The following ULK4 variants were observed in gnomAD, a reference collection of about 807,000 sequenced individuals.
ULK4 encodes the protein inactive serine/threonine-protein kinase ULK4.
A neutral mutation model predicts 160.6 loss-of-function variants in ULK4; 133 were observed. That is an observed-to-expected ratio of 0.83 (90% CI 0.72 to 0.96). The LOEUF (loss-of-function observed/expected upper bound fraction) is 0.96, where lower values mean the gene tolerates loss of function less well. Ranked by LOEUF, ULK4 falls within the 40% of genes least tolerant of loss-of-function variation. ULK4 has a pLI of 0.00. For synonymous variants in ULK4, 534 were observed against 539.8 expected (o/e 0.99, Z 0.15); for missense variants, 1,580 against 1,499.5 (o/e 1.05, Z -0.89).
intron 31 of ULK4, among the ~76,000 whole-genome samples, chr3:41,599,230 G>C (rs2031893714): frequency 6.6e-6 from 1 of 152,132 alleles, no homozygotes; most frequent in South Asian, 2.1e-4. Flanking sequence ...TTTAGGATGA[G>C]GATGAGCTAA....
At chr3:41,630,817 A>T (rs983815461) in intron 30 of ULK4, among the ~76,000 whole-genome samples, 1 of 152,162 alleles carries the variant, frequency 6.6e-6, no homozygotes, top group Non-Finnish European at 1.5e-5. Context: ...CTTCTGGCCT[A>T]CTTGTGTACC....
chr3:41,385,880 T>A (rs1431001631), intron 35 of ULK4, among the ~76,000 whole-genome samples: 2 of 152,186 alleles, frequency 1.3e-5, no homozygotes, highest in Non-Finnish European at 2.9e-5. Flanking sequence ...CTAGGCCACA[T>A]TCTTTCTATT....
At chr3:41,598,166 C>T (rs1455996314) in intron 31 of ULK4, among the ~76,000 whole-genome samples, 1 of 152,146 alleles carries the variant, frequency 6.6e-6, no homozygotes, top group Non-Finnish European at 1.5e-5. Flanking sequence ...ACCAGTTCCT[C>T]ACTCCCTCCC....
chr3:41,484,538 C>T (rs543510272), intron 32 of ULK4, among the ~76,000 whole-genome samples: 16 of 149,770 alleles, frequency 1.1e-4, no homozygotes, highest in African/African-American at 2.2e-4. Flanking sequence ...CTGCAAGCTC[C>T]GCCTCCCGGG....
chr3:41,954,586 C>T, intron 2 of ULK4, 36 bp downstream of exon 2: 1 of 1,595,300 alleles, frequency 6.3e-7, no homozygotes, highest in Non-Finnish European at 8.5e-7. Context: ...TTGTAGCTCT[C>T]TCTTTCCCCA....
rs1457899603 is a variant in ULK4 at position 41,745,187 on chromosome 3, GA to G, written c.2321+9173del. 4.6e-5 allele frequency among the ~76,000 whole-genome samples: 7 copies of G among 150,720 alleles called. 1 individual carries two copies. The highest frequency in any genetic ancestry group is 7.4e-5 in the Non-Finnish European group (5 of 67,642). The stretch of plus-strand genomic sequence containing the variant: ...AAGAGCAAAACAAAGCAAGCAGAAG[GA>G]AAATATAAAAATCAGGGAATGGACT... On this transcript the variant is annotated intron_variant, in intron 22 of 36. Coordinates refer to ENST00000301831, the MANE Select transcript of ULK4 (RefSeq NM_017886.4).
At chr3:41,858,735 C>A (rs528164252) in intron 17 of ULK4, among the ~76,000 whole-genome samples, 1 of 150,182 alleles carries the variant, frequency 6.7e-6, no homozygotes, top group Non-Finnish European at 1.5e-5. Flanking sequence ...GAACTCCTGG[C>A]CTCAGGTGAT....
At chr3:41,530,538 A>AC (rs201458279) in intron 32 of ULK4, among the ~76,000 whole-genome samples, 1 of 152,100 alleles carries the variant, frequency 6.6e-6, no homozygotes, top group East Asian at 1.9e-4. Context: ...CATTGGAGCT[A>AC]CCCCCGCCTA....
At chr3:41,951,564 C>T (rs142036414) in intron 2 of ULK4, among the ~76,000 whole-genome samples, 10 of 152,278 alleles carry the variant, frequency 6.6e-5, no homozygotes, top group Non-Finnish European at 1.2e-4. Context: ...CAAATGACTT[C>T]CAATAAGTAT....
chr3:41,958,163 T>C (rs1700547585), intron 1 of ULK4, among the ~76,000 whole-genome samples: 1 of 151,866 alleles, frequency 6.6e-6, no homozygotes, highest in Non-Finnish European at 1.5e-5. Flanking sequence ...GTACCCCACA[T>C]ATTCACAGCA....
intron 21 of ULK4, among the ~76,000 whole-genome samples, chr3:41,789,447 G>A (rs1344551564): frequency 2.6e-5 from 4 of 152,172 alleles, no homozygotes; most frequent in Non-Finnish European, 4.4e-5. Flanking sequence ...GGACAAGTAG[G>A]CAGAAGCCAT....
intron 22 of ULK4, among the ~76,000 whole-genome samples, chr3:41,739,292 A>G (rs1406147903): frequency 6.6e-6 from 1 of 151,862 alleles, no homozygotes; most frequent in Non-Finnish European, 1.5e-5. Flanking sequence ...GCCTTCTCTC[A>G]CTTAATCCTG....
At chr3:41,876,483 T>A (rs1697306610) in intron 17 of ULK4, among the ~76,000 whole-genome samples, 1 of 152,362 alleles carries the variant, frequency 6.6e-6, no homozygotes, top group South Asian at 2.1e-4. Context: ...TTTTAACTTA[T>A]ACAACCTTAC....
At chr3:41,895,585 G>A in intron 15 of ULK4, 21 bp from the exon 16 acceptor site, 1 of 1,451,200 alleles carries the variant, frequency 6.9e-7, no homozygotes, top group South Asian at 1.5e-5. Flanking sequence ...AAATTTAAGT[G>A]TAAAGAAAAG....
At chr3:41,925,477 C>T (rs945336773) in intron 5 of ULK4, among the ~76,000 whole-genome samples, 5 of 152,120 alleles carry the variant, frequency 3.3e-5, no homozygotes, top group Non-Finnish European at 7.3e-5. Context: ...ACTGGGTGGC[C>T]GTTGGGGCAG....
At chr3:41,954,524 T>C (rs574935936) in intron 2 of ULK4, 98 bp downstream of exon 2, 2 of 1,393,426 alleles carry the variant, frequency 1.4e-6, no homozygotes, top group Middle Eastern at 1.8e-4. Context: ...AATGTGGCAT[T>C]TGATATATCA....
intron 35 of ULK4, among the ~76,000 whole-genome samples, chr3:41,267,128 G>A (rs1335827275): frequency 1.3e-5 from 2 of 150,922 alleles, no homozygotes; most frequent in East Asian, 3.9e-4. Flanking sequence ...GTGGTCTGAT[G>A]CAGCTATTGA....
chr3:41,897,669 T>A (rs1219886626), intron 14 of ULK4, among the ~76,000 whole-genome samples: 1 of 152,246 alleles, frequency 6.6e-6, no homozygotes, highest in Non-Finnish European at 1.5e-5. Flanking sequence ...CTGAAAGCAC[T>A]ATTAATAATA....
intron 32 of ULK4, among the ~76,000 whole-genome samples, chr3:41,562,744 C>T (rs1575418134): frequency 6.6e-6 from 1 of 152,018 alleles, no homozygotes; most frequent in African/African-American, 2.4e-5. Context: ...TATTTTGAGC[C>T]TATGTGTGTC....
Sources: allele counts gnomAD v4.1 joint callset (sites outside exome capture counted in the v4.1 genomes callset), GRCh38; gene constraint gnomAD v4.1.1; transcripts MANE v1.5; gene names NCBI Gene and HGNC (gene_info 2026-07-23, HGNC 2026-07-21).